Variants in DACH2 observed in about 807,000 individuals in gnomAD.
The protein encoded by DACH2 is dachshund homolog 2.
In DACH2, 17 loss-of-function variants were observed where a neutral mutation model predicts 35.8. The observed-to-expected ratio is 0.48, with a 90% CI of 0.33 to 0.71. The LOEUF (loss-of-function observed/expected upper bound fraction) is 0.71. DACH2 is among the 30% of genes least tolerant of loss of function. DACH2 has a pLI of 0.02. For synonymous variants in DACH2, 195 were observed against 177.3 expected (o/e 1.10, Z -0.79); for missense variants, 469 against 472.7 (o/e 0.99, Z 0.07).
chrX:86,323,011 C>T (rs1463759498), intron 1 of DACH2, among the ~76,000 whole-genome samples: 4 of 112,169 alleles, frequency 3.6e-5, no homozygotes, highest in African/African-American at 6.5e-5. Flanking sequence ...AGCAGAGGGA[C>T]GTAAAAGGGA....
intron 1 of DACH2, among the ~76,000 whole-genome samples, chrX:86,265,195 G>A (rs777958868): frequency 2.7e-5 from 3 of 111,751 alleles, no homozygotes; most frequent in East Asian, 5.6e-4. Context: ...AATACATATC[G>A]TTGATATTAT....
At chrX:86,498,238 T>G (rs2148253438) in intron 2 of DACH2, among the ~76,000 whole-genome samples, 1 of 111,665 alleles carries the variant, frequency 9.0e-6, no homozygotes, top group Non-Finnish European at 1.9e-5. Context: ...ATTTGTTGCC[T>G]TAAGCATATC....
intron 3 of DACH2, among the ~76,000 whole-genome samples, chrX:86,644,807 A>G (rs1361317168): frequency 2.7e-5 from 3 of 111,310 alleles, no homozygotes; most frequent in Non-Finnish European, 5.7e-5. Flanking sequence ...AAAAACAAGC[A>G]ATGGGGAAAA....
chrX:86,345,110 T>C (rs1473578069), intron 1 of DACH2, among the ~76,000 whole-genome samples: 10 of 111,981 alleles, frequency 8.9e-5, no homozygotes, highest in East Asian at 2.8e-4. Context: ...TCTCTTTTTT[T>C]CCCCACAAAA....
intron 3 of DACH2, among the ~76,000 whole-genome samples, chrX:86,625,962 A>G (rs2040132762): frequency 9.0e-6 from 1 of 110,964 alleles, no homozygotes; most frequent in African/African-American, 3.3e-5. Context: ...CCCAAATCTC[A>G]TGTCCTCACA....
chrX:86,249,389 A>G (rs988489869), intron 1 of DACH2, among the ~76,000 whole-genome samples: 1 of 111,715 alleles, frequency 9.0e-6, no homozygotes, highest in African/African-American at 3.2e-5. Context: ...AAATGGGCAA[A>G]GGACATGAAC....
At chrX:86,778,303 T>G (rs1304053236) in intron 7 of DACH2, among the ~76,000 whole-genome samples, 1 of 111,816 alleles carries the variant, frequency 8.9e-6, no homozygotes, top group Middle Eastern at 4.2e-3. Flanking sequence ...CAGCATTTAT[T>G]ATTAATATTT....
intron 1 of DACH2, among the ~76,000 whole-genome samples, chrX:86,230,832 C>T (rs1402973298): frequency 9.0e-6 from 1 of 111,695 alleles, no homozygotes; most frequent in African/African-American, 3.3e-5. Context: ...GTTGTAATAT[C>T]TCCTATTTCA....
intron 2 of DACH2, among the ~76,000 whole-genome samples, chrX:86,437,793 C>G (rs1031225420): frequency 1.8e-5 from 2 of 110,276 alleles, no homozygotes; most frequent in African/African-American, 6.6e-5. Flanking sequence ...GGATAAATAA[C>G]CAGTTGTGGG....
At chrX:86,788,721 C>T (rs1000705358) in intron 7 of DACH2, among the ~76,000 whole-genome samples, 3 of 111,749 alleles carry the variant, frequency 2.7e-5, no homozygotes, top group Non-Finnish European at 5.6e-5. Flanking sequence ...AAAACAACTG[C>T]TCAGAAACTA....
chrX:86,399,120 C>G (rs1258369299), intron 2 of DACH2, among the ~76,000 whole-genome samples: 1 of 111,948 alleles, frequency 8.9e-6, no homozygotes, highest in African/African-American at 3.3e-5. Flanking sequence ...GAATTAATCC[C>G]TGTACCATTA....
intron 1 of DACH2, among the ~76,000 whole-genome samples, chrX:86,319,749 C>A (rs1442410495): frequency 2.7e-5 from 3 of 112,450 alleles, no homozygotes; most frequent in African/African-American, 9.7e-5. Context: ...AAAGGTACCA[C>A]AGCTTTTACT....
rs1225822330 is a variant in DACH2 at position 86,450,236 on chromosome X, A to T, written c.528-64043A>T. 3.6e-5 allele frequency among the ~76,000 whole-genome samples: 4 copies of T among 110,431 alleles called. No individual in the cohort carries two copies. In the East Asian group the frequency reaches 8.6e-4, roughly 24 times the overall value. On this transcript the variant is annotated intron_variant, in intron 2 of 11. Coordinates refer to ENST00000373125, the MANE Select transcript of DACH2 (RefSeq NM_053281.3). ...ATCCTCTCCATCCTCCATGACCCCC[A>T]ACAACAGGCCCCAGTGTATGTTGTT...
chrX:86,554,850 A>C (rs2039096353), intron 3 of DACH2, among the ~76,000 whole-genome samples: 1 of 112,035 alleles, frequency 8.9e-6, no homozygotes, highest in Non-Finnish European at 1.9e-5. Context: ...GATGCAAAAT[A>C]CTGTATGTGG....
intron 11 of DACH2, among the ~76,000 whole-genome samples, chrX:86,826,652 C>A (rs939806179): frequency 1.8e-5 from 2 of 111,943 alleles, no homozygotes; most frequent in African/African-American, 6.5e-5. Flanking sequence ...CCCAAACTAA[C>A]CTCACTACTG....
chrX:86,343,613 A>C (rs889979056), intron 1 of DACH2, among the ~76,000 whole-genome samples: 1 of 111,844 alleles, frequency 8.9e-6, no homozygotes, highest in African/African-American at 3.2e-5. Context: ...CAAGAATAAC[A>C]GCTAAAGTGA....
At chrX:86,644,494 C>A (rs190834131) in intron 3 of DACH2, among the ~76,000 whole-genome samples, 118 of 111,259 alleles carry the variant, frequency 1.1e-3, no homozygotes, top group African/African-American at 3.6e-3. Context: ...GGCTAGACTG[C>A]CCAAAGCAAT....
intron 3 of DACH2, among the ~76,000 whole-genome samples, chrX:86,553,145 T>C (rs5923556): frequency 0.32 from 34,658 of 109,971 alleles, 4,549 homozygotes; most frequent in Middle Eastern, 0.48. Flanking sequence ...TCCCAAAATC[T>C]CAAAAGTAGG....
chrX:86,547,968 G>A (rs1462718363), intron 3 of DACH2, among the ~76,000 whole-genome samples: 1 of 112,245 alleles, frequency 8.9e-6, no homozygotes, highest in Non-Finnish European at 1.9e-5. Flanking sequence ...TGATTATACT[G>A]AAATCAGGCA....
Sources: allele counts gnomAD v4.1 joint callset (sites outside exome capture counted in the v4.1 genomes callset), GRCh38; gene constraint gnomAD v4.1.1; transcripts MANE v1.5; gene names NCBI Gene and HGNC (gene_info 2026-07-23, HGNC 2026-07-21).